EML5: variants seen among roughly 807,000 people sequenced by gnomAD.
EML5 encodes the protein EMAP like 5.
In EML5, 120 loss-of-function variants were observed where a neutral mutation model predicts 250.0. That is an observed-to-expected ratio of 0.48 (90% CI 0.41 to 0.56). EML5 has a LOEUF of 0.56. Ranked by LOEUF, EML5 falls within the 20% of genes least tolerant of loss-of-function variation. The pLI is 0.00. For missense variants in EML5, 2,006 were observed against 2,437.6 expected (o/e 0.82, Z 3.73); for synonymous variants, 771 against 806.5 (o/e 0.96, Z 0.75).
chr14:88,764,020 A>G (rs1956410), intron 1 of EML5, among the ~76,000 whole-genome samples: 97,311 of 152,124 alleles, frequency 0.64, 33,156 homozygotes, highest in East Asian at 0.94. Context: ...CTTCTTTAGC[A>G]ATTATATAGC....
Position 88,673,848 on chromosome 14 carries a change from C to T in EML5, c.3124+8042G>A, listed in dbSNP as rs183486726. ...AAGTGAAGGACCTCTTCAAAAACTA[C>T]AAACCACTGCTCAAGGAAATAAAAG... On this transcript the variant is annotated intron_variant, in intron 21 of 43. Transcript: ENST00000554922. Among the ~76,000 whole-genome samples the T allele has an allele frequency of 2.6e-5, 4 of 152,214 alleles. No homozygotes were observed. In the East Asian group the frequency reaches 7.7e-4, roughly 29 times the overall value.
At chr14:88,786,181 T>C (rs962159810) in intron 1 of EML5, among the ~76,000 whole-genome samples, 1 of 152,220 alleles carries the variant, frequency 6.6e-6, no homozygotes. Flanking sequence ...ACCTTTACAG[T>C]GAGGTCTTCC....
intron 1 of EML5, among the ~76,000 whole-genome samples, chr14:88,768,657 C>CTGA (rs2094351724): frequency 6.6e-6 from 1 of 152,162 alleles, no homozygotes; most frequent in Admixed American, 6.5e-5. Flanking sequence ...GGTGACCCAC[C>CTGA]CGCCTGGGCC....
At position 88,640,982 on chromosome 14, in the gene EML5, T is replaced by TA. The variant is rs565835465; in HGVS notation, c.4237+1910dup. Among the ~76,000 whole-genome samples, 24 of 151,646 alleles carry TA rather than the reference T, an allele frequency of 1.6e-4. 1 individual carries two copies. The South Asian group carries it at 4.6e-3, about 29-fold the overall frequency. On this transcript the variant is annotated intron_variant, in intron 31 of 43. Coordinates refer to ENST00000554922, the MANE Select transcript of EML5 (RefSeq NM_183387.3). ...GGCTATGATGTTAGTTGTGGGCCTCTAAAAAAAGAAGAAGAAGAAGAAGAA... is the reference window on the plus strand; with the variant it reads ...GGCTATGATGTTAGTTGTGGGCCTCTAAAAAAAAGAAGAAGAAGAAGAAGAA...
At chr14:88,720,943 T>C (rs557596922) in intron 8 of EML5, among the ~76,000 whole-genome samples, 207 of 152,158 alleles carry the variant, frequency 1.4e-3, no homozygotes, top group Non-Finnish European at 2.4e-3. Flanking sequence ...GGATATAAAA[T>C]CAATGTGTAA....
chr14:88,759,331 C>T (rs1247439256), intron 1 of EML5, among the ~76,000 whole-genome samples: 1 of 151,990 alleles, frequency 6.6e-6, no homozygotes, highest in Non-Finnish European at 1.5e-5. Context: ...TGTTTTCTCA[C>T]CTTCAAAAAG....
intron 35 of EML5, chr14:88,626,193 T>C (rs1467065218): frequency 6.6e-6 from 1 of 152,284 alleles, no homozygotes; most frequent in Non-Finnish European, 1.5e-5. Context: ...TCATGTTTCT[T>C]GATTTACCTT....
At chr14:88,702,693 T>A (rs377740933) in intron 13 of EML5, 61 bp from the exon 14 acceptor site, 1 of 1,182,358 alleles carries the variant, frequency 8.5e-7, no homozygotes, top group Middle Eastern at 2.3e-4. Context: ...CAATACAGAA[T>A]ATACAGGGGA....
At chr14:88,674,544 A>T (rs2092550652) in intron 21 of EML5, among the ~76,000 whole-genome samples, 1 of 151,988 alleles carries the variant, frequency 6.6e-6, no homozygotes, top group South Asian at 2.1e-4. Flanking sequence ...TGATTCAATT[A>T]CCTCCCACCA....
intron 1 of EML5, among the ~76,000 whole-genome samples, chr14:88,757,547 G>T (rs780409333): frequency 6.6e-6 from 1 of 152,060 alleles, no homozygotes; most frequent in African/African-American, 2.4e-5. Flanking sequence ...GAGAATGGGA[G>T]AAAATATTTG....
intron 27 of EML5, among the ~76,000 whole-genome samples, chr14:88,655,813 T>C (rs534390376): frequency 1.3e-5 from 2 of 152,196 alleles, no homozygotes; most frequent in East Asian, 1.9e-4. Flanking sequence ...GCTAAGGATA[T>C]GAACAGACAC....
intron 32 of EML5, among the ~76,000 whole-genome samples, chr14:88,636,093 CTCCA>C (rs1411361888): frequency 4.6e-5 from 7 of 152,162 alleles, no homozygotes; most frequent in Admixed American, 3.9e-4. Context: ...TGCATTAGAA[CTCCA>C]TCCACCCCTA....
intron 1 of EML5, among the ~76,000 whole-genome samples, chr14:88,756,602 A>C (rs1015148114): frequency 3.3e-5 from 5 of 152,164 alleles, no homozygotes; most frequent in Non-Finnish European, 7.4e-5. Context: ...ACAAAGAAAC[A>C]ACCAAAAAAT....
intron 40 of EML5, 140 bp downstream of exon 40, chr14:88,618,510 G>A (rs28489684): frequency 0.17 from 190,132 of 1,134,356 alleles, 19,832 homozygotes; most frequent in East Asian, 0.48. Flanking sequence ...GGGAGGAAAG[G>A]GGAGCTGTAG....
chr14:88,687,124 ACATGC>A, intron 19 of EML5, 87 bp downstream of exon 19: 1 of 947,492 alleles, frequency 1.1e-6, no homozygotes, highest in Non-Finnish European at 1.6e-6. Flanking sequence ...ACGGAAAAAT[ACATGC>A]CATGTGTTCC....
chr14:88,697,925 C>T (rs1192630010), intron 14 of EML5, among the ~76,000 whole-genome samples: 5 of 151,874 alleles, frequency 3.3e-5, no homozygotes, highest in African/African-American at 1.2e-4. Flanking sequence ...TTAGTAGACA[C>T]AGGGTTTCTC....
chr14:88,696,588 C>G (rs921837699), intron 15 of EML5, among the ~76,000 whole-genome samples: 3 of 151,972 alleles, frequency 2.0e-5, no homozygotes. Context: ...TAGGTTGTTA[C>G]GTAGATAAAC....
At chr14:88,640,109 A>G (rs1026703896) in intron 31 of EML5, among the ~76,000 whole-genome samples, 1 of 152,196 alleles carries the variant, frequency 6.6e-6, no homozygotes, top group East Asian at 1.9e-4. Flanking sequence ...CAAAAATCAA[A>G]CAAGTGGGGC....
intron 33 of EML5, among the ~76,000 whole-genome samples, chr14:88,632,967 G>A (rs1163227386): frequency 6.6e-6 from 1 of 152,114 alleles, no homozygotes; most frequent in Non-Finnish European, 1.5e-5. Context: ...TAGAAACCCT[G>A]TAACTAGATG....
Sources: allele counts gnomAD v4.1 joint callset (sites outside exome capture counted in the v4.1 genomes callset), GRCh38; gene constraint gnomAD v4.1.1; transcripts MANE v1.5; gene names NCBI Gene and HGNC (gene_info 2026-07-23, HGNC 2026-07-21).